MYRIP: variants seen among roughly 807,000 people sequenced by gnomAD.
MYRIP encodes myosin VIIA and Rab interacting protein.
In MYRIP, 49 loss-of-function variants were observed where a neutral mutation model predicts 98.0. The observed-to-expected ratio is 0.50, with a 90% CI of 0.40 to 0.63. The LOEUF (loss-of-function observed/expected upper bound fraction) is 0.63. Among genes scored for constraint, MYRIP ranks in the 30% least tolerant of loss-of-function variants. The probability of loss-of-function intolerance (pLI) is 0.00; values close to 1 mark genes in which losing one functional copy is unlikely to be tolerated. For missense variants in MYRIP, 1,004 were observed against 1,058.2 expected (o/e 0.95, Z 0.71); for synonymous variants, 404 against 409.5 (o/e 0.99, Z 0.16).
At chr3:40,033,605 T>C (rs1445476418) in intron 2 of MYRIP, among the ~76,000 whole-genome samples, 1 of 152,232 alleles carries the variant, frequency 6.6e-6, no homozygotes, top group African/African-American at 2.4e-5. Context: ...TCCATGCTCA[T>C]GGGTAGGAAG....
At chr3:39,818,625 C>T in intron 1 of MYRIP, among the ~76,000 whole-genome samples, 1 of 152,036 alleles carries the variant, frequency 6.6e-6, no homozygotes, top group East Asian at 1.9e-4. Flanking sequence ...ATAAGTTTTT[C>T]TATGATAGAC....
intron 2 of MYRIP, among the ~76,000 whole-genome samples, chr3:39,994,603 C>A (rs1016154552): frequency 6.6e-6 from 1 of 152,238 alleles, no homozygotes; most frequent in African/African-American, 2.4e-5. Context: ...GTAGACTCCA[C>A]CTCTGGGGGC....
chr3:39,821,969 C>T (rs975915039), intron 1 of MYRIP, among the ~76,000 whole-genome samples: 4 of 150,382 alleles, frequency 2.7e-5, no homozygotes, highest in Admixed American at 6.6e-5. Flanking sequence ...CATTTTTTAA[C>T]TGATTTTTTG....
chr3:39,869,538 C>T (rs559298891), intron 1 of MYRIP, among the ~76,000 whole-genome samples: 4 of 152,196 alleles, frequency 2.6e-5, no homozygotes, highest in African/African-American at 7.2e-5. Context: ...AAAGCCTTTG[C>T]GTACTTCTCT....
chr3:40,130,049 T>C (rs1233464351), intron 3 of MYRIP, among the ~76,000 whole-genome samples: 1 of 152,204 alleles, frequency 6.6e-6, no homozygotes, highest in Non-Finnish European at 1.5e-5. Context: ...CACAATGATT[T>C]TAAATTTTAT....
chr3:39,811,591 A>G (rs984978300), intron 1 of MYRIP, among the ~76,000 whole-genome samples: 2 of 150,982 alleles, frequency 1.3e-5, no homozygotes, highest in Non-Finnish European at 3.0e-5. Context: ...ATTACCCACC[A>G]CTACCTCCAT....
rs144751803 is a variant in MYRIP at position 40,228,369 on chromosome 3, C to T, written c.1906-5490C>T. Among the ~76,000 whole-genome samples the T allele has an allele frequency of 3.2e-4, 48 of 152,282 alleles. No homozygotes were observed. In the East Asian group the frequency reaches 7.3e-3, roughly 23 times the overall value. ...TATATATTAAAACATGTTCCTGGTG[C>T]AAAGATTCATTTTTTTCTTATAATT... On this transcript the variant is annotated intron_variant, in intron 11 of 16. Coordinates refer to ENST00000302541, the MANE Select transcript of MYRIP (RefSeq NM_015460.4).
chr3:40,054,753 A>G (rs1379847651), intron 3 of MYRIP, among the ~76,000 whole-genome samples: 1 of 152,284 alleles, frequency 6.6e-6, no homozygotes. Flanking sequence ...CCTATTCCTT[A>G]AAATAAATGT....
intron 2 of MYRIP, among the ~76,000 whole-genome samples, chr3:40,035,072 A>G (rs1427180067): frequency 1.0e-5 from 1 of 97,016 alleles, no homozygotes; most frequent in Non-Finnish European, 1.9e-5. Flanking sequence ...GGGGACTGTT[A>G]TGGGGTGGGG....
chr3:40,005,920 A>G (rs1403625174), intron 2 of MYRIP, among the ~76,000 whole-genome samples: 1 of 152,196 alleles, frequency 6.6e-6, no homozygotes. Flanking sequence ...AGGTGCTTTG[A>G]GAGTCACAGG....
Position 39,922,786 on chromosome 3 carries a change from A to G in MYRIP, c.110+21860A>G, listed in dbSNP as rs183031978. ...TCAGAACATAATACAATAGTATACAAGTGTCAATACAAATTTGCTCATCAT... is the reference window on the plus strand; with the variant it reads ...TCAGAACATAATACAATAGTATACAGGTGTCAATACAAATTTGCTCATCAT... On this transcript the variant is annotated intron_variant, in intron 2 of 16. Coordinates refer to ENST00000302541, the MANE Select transcript of MYRIP (RefSeq NM_015460.4). Among the ~76,000 whole-genome samples, 13 of 152,338 alleles carry G rather than the reference A, an allele frequency of 8.5e-5. No homozygotes were observed. In the East Asian group the frequency reaches 2.3e-3, roughly 27 times the overall value.
At chr3:40,064,971 G>A (rs558605620) in intron 3 of MYRIP, among the ~76,000 whole-genome samples, 3 of 152,182 alleles carry the variant, frequency 2.0e-5, no homozygotes, top group Non-Finnish European at 4.4e-5. Flanking sequence ...CTACAGATGA[G>A]TAACCTTAAC....
chr3:39,947,593 AC>A (rs1477579565), intron 2 of MYRIP, among the ~76,000 whole-genome samples: 2 of 152,086 alleles, frequency 1.3e-5, no homozygotes, highest in African/African-American at 4.8e-5. Flanking sequence ...CCATGGTTTC[AC>A]CTGGGAGCTT....
chr3:40,180,886 TG>T (rs1380504377), intron 8 of MYRIP, among the ~76,000 whole-genome samples: 1 of 152,162 alleles, frequency 6.6e-6, no homozygotes, highest in Non-Finnish European at 1.5e-5. Context: ...GCCCTGTATG[TG>T]AGGGGTCCTG....
intron 2 of MYRIP, among the ~76,000 whole-genome samples, chr3:39,964,202 G>A (rs1023100187): frequency 7.3e-5 from 11 of 151,686 alleles, no homozygotes; most frequent in Non-Finnish European, 1.2e-4. Flanking sequence ...CATTATGAGC[G>A]ACTTGGATTC....
At chr3:39,863,745 C>T (rs551336694) in intron 1 of MYRIP, among the ~76,000 whole-genome samples, 96 of 152,060 alleles carry the variant, frequency 6.3e-4, no homozygotes, top group Non-Finnish European at 1.2e-3. Context: ...AAACGAACAA[C>T]TGGTACTATT....
intron 2 of MYRIP, among the ~76,000 whole-genome samples, chr3:39,957,627 G>T (rs947204057): frequency 6.6e-6 from 1 of 152,138 alleles, no homozygotes; most frequent in African/African-American, 2.4e-5. Flanking sequence ...ACAAGACAGG[G>T]ATGCCCTCTC....
At chr3:39,825,439 A>T (rs917670131) in intron 1 of MYRIP, among the ~76,000 whole-genome samples, 3 of 152,172 alleles carry the variant, frequency 2.0e-5, no homozygotes, top group Non-Finnish European at 4.4e-5. Context: ...CATTGCATCT[A>T]TTCAGATAAT....
chr3:40,182,185 A>G, intron 8 of MYRIP, 35 bp from the exon 9 acceptor site: 1 of 1,572,058 alleles, frequency 6.4e-7, no homozygotes, highest in Non-Finnish European at 8.6e-7. Flanking sequence ...ACTGTACCTT[A>G]TGAGCTCACC....
Sources: gnomAD v4.1 joint callset for allele counts (sites outside exome capture counted in the v4.1 genomes callset) on GRCh38, gnomAD v4.1.1 for gene constraint, MANE v1.5 for transcripts, NCBI Gene and HGNC (gene_info 2026-07-23, HGNC 2026-07-21) for gene names.